Variants in NCLN observed in about 807,000 individuals in gnomAD.
The protein encoded by NCLN is BOS complex subunit NCLN.
In NCLN, 34 loss-of-function variants were observed where a neutral mutation model predicts 69.5. That is an observed-to-expected ratio of 0.49 (90% CI 0.37 to 0.65). The LOEUF (loss-of-function observed/expected upper bound fraction) is 0.65, where lower values mean the gene tolerates loss of function less well. Among genes scored for constraint, NCLN ranks in the 30% least tolerant of loss-of-function variants. The pLI is 0.00. For synonymous variants in NCLN, 393 were observed against 358.3 expected (o/e 1.10, Z -1.09); for missense variants, 710 against 804.8 (o/e 0.88, Z 1.42).
chr19:3,192,443 C>T (rs1440399813), intron 1 of NCLN, 27 bp from the exon 2 acceptor site: 1 of 1,552,672 alleles, frequency 6.4e-7, no homozygotes, highest in African/African-American at 1.4e-5. Context: ...CCCGCCGAGG[C>T]TCACGACCCC....
rs201607366 is a variant in NCLN, at chr19:3,207,380, T to A, written c.1554-11T>A. On this transcript the variant is annotated splice_polypyrimidine_tract_variant and intron_variant, in intron 13 of 14. Transcript: ENST00000246117. Reference sequence around the variant, plus strand: ...CCATCCTCGACCTCAGGGACCCTGCTTTCTCCACAGAGTCAAGCCGGCCGT... The same window carrying A: ...CCATCCTCGACCTCAGGGACCCTGCATTCTCCACAGAGTCAAGCCGGCCGT... The A allele has an allele frequency of 1.5e-5, 24 of 1,613,086 alleles. No individual in the cohort carries two copies. In the East Asian group the frequency reaches 4.9e-4, roughly 33 times the overall value.
Position 3,206,291 on chromosome 19 carries a change from G to A in NCLN, c.1365G>A (p.Val455=). Reference sequence around the variant, plus strand: ...TCCAGCAGGAGCAGCTGGACTCGGTGATGGACTGGCTCACCAACCAGCCGC... The same window carrying A: ...TCCAGCAGGAGCAGCTGGACTCGGTAATGGACTGGCTCACCAACCAGCCGC... ...MQIQQEQLDS[V]MDWLTNQPRA... The change falls in exon 12 of 15, where the codon GTG becomes GTA. Residue 455 remains valine (V), a synonymous_variant. Coordinates refer to ENST00000246117, the MANE Select transcript of NCLN (RefSeq NM_020170.4). 6.5e-7 allele frequency: 1 copy of A among 1,548,056 alleles called. No individual in the cohort carries two copies. The highest frequency in any genetic ancestry group is 8.7e-7 in the Non-Finnish European group (1 of 1,146,842).
intron 1 of NCLN, 141 bp from the exon 2 acceptor site, chr19:3,192,329 G>A: frequency 5.9e-6 from 4 of 681,258 alleles, no homozygotes; most frequent in Non-Finnish European, 9.2e-6. Flanking sequence ...GGGACCCTGG[G>A]AGCTTCTCGA....
At chr19:3,197,665 G>A (rs1367222512) in intron 4 of NCLN, among the ~76,000 whole-genome samples, 1 of 147,182 alleles carries the variant, frequency 6.8e-6, no homozygotes, top group African/African-American at 2.5e-5. Flanking sequence ...CTGTTGCCTA[G>A]GCTGGAGTGC....
At chr19:3,202,093 C>T (rs929936605) in intron 6 of NCLN, among the ~76,000 whole-genome samples, 3 of 152,118 alleles carry the variant, frequency 2.0e-5, no homozygotes, top group African/African-American at 7.2e-5. Context: ...GCAGAAGCAC[C>T]CCTGGTTGAG....
At chr19:3,189,727 C>T (rs1446680242) in intron 1 of NCLN, among the ~76,000 whole-genome samples, 1 of 152,240 alleles carries the variant, frequency 6.6e-6, no homozygotes, top group Non-Finnish European at 1.5e-5. Flanking sequence ...GCCACCCGGC[C>T]CGACCCTGGC....
At chr19:3,200,519 C>T (rs1916098905) in intron 5 of NCLN, among the ~76,000 whole-genome samples, 1 of 151,662 alleles carries the variant, frequency 6.6e-6, no homozygotes, top group South Asian at 2.1e-4. Flanking sequence ...ACCATGTTGG[C>T]CAGGATGGTC....
intron 1 of NCLN, among the ~76,000 whole-genome samples, chr19:3,188,003 G>A (rs144614883): frequency 1.4e-3 from 206 of 152,284 alleles, no homozygotes; most frequent in Middle Eastern, 0.01. Context: ...GCAACCGGGG[G>A]GCAGGATTTT....
intron 4 of NCLN, among the ~76,000 whole-genome samples, chr19:3,197,177 C>G (rs772776242): frequency 1.8e-4 from 27 of 152,344 alleles, no homozygotes; most frequent in African/African-American, 5.1e-4. Flanking sequence ...GCAGTGAGAC[C>G]CGGTAGCCTG....
chr19:3,195,246 T>A (rs895514207), intron 3 of NCLN, among the ~76,000 whole-genome samples: 12 of 150,768 alleles, frequency 8.0e-5, no homozygotes, highest in Admixed American at 4.0e-4. Flanking sequence ...TATCTTTTTG[T>A]TTTGTTTTGT....
intron 3 of NCLN, among the ~76,000 whole-genome samples, chr19:3,194,744 CTTT>C (rs745406038): frequency 7.3e-6 from 1 of 136,488 alleles, no homozygotes; most frequent in Admixed American, 7.3e-5. Flanking sequence ...GAGTCGTCTT[CTTT>C]TTTTTTTTTT....
chr19:3,199,016 C>T (rs556367045), intron 5 of NCLN, 119 bp downstream of exon 5: 23 of 644,976 alleles, frequency 3.6e-5, no homozygotes, highest in Admixed American at 1.2e-4. Context: ...CTCCCTGTGA[C>T]GGCCTTTGCC....
intron 13 of NCLN, 21 bp downstream of exon 13, chr19:3,207,272 C>T: frequency 6.2e-7 from 1 of 1,613,510 alleles, no homozygotes; most frequent in East Asian, 2.2e-5. Flanking sequence ...GCCAGCGGGA[C>T]CTGGAGCCCT....
rs1322229244 is a variant in NCLN, at chr19:3,191,049, AGCAGGGAGATCG to A, written c.185-1420_185-1409del. Among the ~76,000 whole-genome samples, 657 of 146,510 alleles carry A rather than the reference AGCAGGGAGATCG, an allele frequency of 4.5e-3. 8 individuals carry two copies. Among genetic ancestry groups the A allele is most frequent in the African/African-American group, 0.016 (632 of 39,502 alleles). On this transcript the variant is annotated intron_variant, in intron 1 of 14. Coordinates refer to ENST00000246117, the MANE Select transcript of NCLN (RefSeq NM_020170.4). The stretch of plus-strand genomic sequence containing the variant: ...GAGATCGTCGTGGTGCGTGGCGGGC[AGCAGGGAGATCG>A]TCGCGGTGTGTGGCGGGCAGCAGGG...
At chr19:3,186,941 G>A (rs1325117624) in intron 1 of NCLN, among the ~76,000 whole-genome samples, 1 of 151,990 alleles carries the variant, frequency 6.6e-6, no homozygotes, top group Non-Finnish European at 1.5e-5. Flanking sequence ...ACGCTCTCTG[G>A]TCCCAGTTCG....
chr19:3,206,483 C>G (rs1003183503), intron 12 of NCLN, 58 bp downstream of exon 12: 1 of 1,497,750 alleles, frequency 6.7e-7, no homozygotes, highest in East Asian at 2.5e-5. Flanking sequence ...GGACCTCCCC[C>G]TACTGCATCT....
rs200789264 is a variant in NCLN, at chr19:3,192,659, G to A, written c.374G>A (p.Arg125Gln). The A allele has an allele frequency of 1.9e-4, 287 of 1,549,460 alleles. 1 individual carries two copies. The African/African-American group carries it at 3.3e-3, about 18-fold the overall frequency. ...AMAAVPQDVV[R>Q]QFMEIEPEML... ...GCCGCCGTGCCCCAGGACGTCGTCC[G>A]GGTGAGCGTCTGCCCTGCCCCGCCC... Residue 125 changes from arginine to glutamine, a missense_variant and splice_region_variant, in exon 2 of 15, where the codon CGG becomes CAG. Coordinates refer to ENST00000246117, the MANE Select transcript of NCLN (RefSeq NM_020170.4).
chr19:3,207,554 T>TCTA (rs1916304714), intron 14 of NCLN, 75 bp from the exon 15 acceptor site: 1 of 1,607,366 alleles, frequency 6.2e-7, no homozygotes, highest in Non-Finnish European at 8.5e-7. Context: ...TCCTGGCCCC[T>TCTA]GGCTCAGCCT....
chr19:3,189,356 G>C (rs771526967), intron 1 of NCLN, among the ~76,000 whole-genome samples: 13 of 152,374 alleles, frequency 8.5e-5, no homozygotes, highest in Non-Finnish European at 1.8e-4. Context: ...ACTGCAGCCT[G>C]TAGGTCACGT....
Sources: allele counts gnomAD v4.1 joint callset (sites outside exome capture counted in the v4.1 genomes callset), GRCh38; gene constraint gnomAD v4.1.1; transcripts MANE v1.5; gene names NCBI Gene and HGNC (gene_info 2026-07-23, HGNC 2026-07-21).